GLI4: variants seen among roughly 807,000 people sequenced by gnomAD.
GLI4 encodes GLI family zinc finger 4, also known as zinc finger protein GLI4.
Under a neutral mutation model 30.9 loss-of-function variants are expected in GLI4, and 34 were observed. That is an observed-to-expected ratio of 1.10 (90% CI 0.84 to 1.47). The LOEUF (loss-of-function observed/expected upper bound fraction) is 1.47, where lower values mean the gene tolerates loss of function less well. Ranked by LOEUF, GLI4 falls within the 40% of genes most tolerant of loss-of-function variation. The pLI is 0.00. For synonymous variants in GLI4, 277 were observed against 236.7 expected (o/e 1.17, Z -1.56); for missense variants, 696 against 538.9 (o/e 1.29, Z -2.89).
At chr8:143,267,826 C>T (rs1300548419) in intron 1 of GLI4, 1 of 985,384 alleles carries the variant, frequency 1.0e-6, no homozygotes, top group East Asian at 1.1e-4. Context: ...AGCGAGGAGC[C>T]GCCGGACCCC....
chr8:143,276,223 A>T lies in GLI4; in HGVS notation c.550A>T (p.Arg184Trp). Residue 184 changes from arginine (R) to tryptophan (W), a missense_variant, in exon 4 of 4, where the codon AGG becomes TGG. Coordinates refer to ENST00000340042, the MANE Select transcript of GLI4 (RefSeq NM_138465.4). Reference sequence around the variant, plus strand: ...CAGCGCGCGGGGGGCCAAGCCGCACAGGTGCGAGGCCTGCGGCAAGAGTTT... The same window carrying T: ...CAGCGCGCGGGGGGCCAAGCCGCACTGGTGCGAGGCCTGCGGCAAGAGTTT... ...QGSARGAKPH[R>W]CEACGKSFKY... The T allele has an allele frequency of 6.3e-7, 1 of 1,593,814 alleles. No individual in the cohort carries two copies. The highest frequency in any genetic ancestry group is 8.5e-7 in the Non-Finnish European group (1 of 1,170,998).
intron 2 of GLI4, among the ~76,000 whole-genome samples, chr8:143,272,148 G>C (rs1400152439): frequency 6.6e-6 from 1 of 152,186 alleles, no homozygotes; most frequent in African/African-American, 2.4e-5. Context: ...GACCCTTGGG[G>C]GCTTGCAGCC....
At chr8:143,267,922 A>G (rs1815174305) in intron 1 of GLI4, 12 of 985,402 alleles carry the variant, frequency 1.2e-5, no homozygotes, top group South Asian at 9.4e-5. Context: ...AGAGGGGCAG[A>G]GGATGCTTCC....
chr8:143,274,913 G>GC, intron 3 of GLI4, 111 bp downstream of exon 3: 1 of 1,480,304 alleles, frequency 6.8e-7, no homozygotes. Context: ...CCTTCCTGGG[G>GC]CCCCTTTTCT....
rs1204073990 is a variant in GLI4, at chr8:143,276,038, G to T, written c.365G>T (p.Ser122Ile). 3 of 1,382,270 alleles carry T rather than the reference G, an allele frequency of 2.2e-6. No individual in the cohort carries two copies. Among genetic ancestry groups the T allele is most frequent in the Admixed American group, 3.3e-5 (1 of 30,174 alleles). 85.6% of individuals were successfully genotyped at this position (1,382,270 alleles called of 1,614,324 possible). The change falls in exon 4 of 4, where the codon AGC becomes ATC. Residue 122 changes from serine to isoleucine, a missense_variant. Physicochemically the swap from Ser to Ile is moderately radical, Grantham distance 142. Coordinates refer to ENST00000340042, the MANE Select transcript of GLI4 (RefSeq NM_138465.4). Reference sequence around the variant, plus strand: ...AGCGCCGGCTTCGGGCCTGAATCCAGCGCGGAGCGGCCGGCGGGCCAGCCG... The same window carrying T: ...AGCGCCGGCTTCGGGCCTGAATCCATCGCGGAGCGGCCGGCGGGCCAGCCG... ...RCSAGFGPES[S>I]AERPAGQPPG...
intron 3 of GLI4, chr8:143,275,370 C>G (rs1815361003): frequency 1.4e-6 from 2 of 1,403,894 alleles, no homozygotes; most frequent in Admixed American, 3.0e-5. Context: ...AGGTCAGGTC[C>G]CTGGAAAGAG....
intron 1 of GLI4, chr8:143,267,970 C>T (rs571836823): frequency 1.5e-5 from 15 of 985,430 alleles, no homozygotes; most frequent in African/African-American, 3.5e-5. Flanking sequence ...CCCCTTCAGT[C>T]TGGAGCTCAG....
At chr8:143,273,839 G>C (rs558283070) in intron 2 of GLI4, among the ~76,000 whole-genome samples, 102 of 151,868 alleles carry the variant, frequency 6.7e-4, no homozygotes, top group African/African-American at 2.4e-3. Context: ...GCAGAGGGCA[G>C]GTGAGGCACC....
At position 143,276,004 on chromosome 8, in the gene GLI4, G is replaced by A. The variant is rs1022988666; in HGVS notation, c.331G>A (p.Ala111Thr). 1 of 1,411,430 alleles carries A rather than the reference G, an allele frequency of 7.1e-7. No homozygotes were observed. Among genetic ancestry groups the A allele is most frequent in the African/African-American group, 1.5e-5 (1 of 66,882 alleles). The allele number at this position is 1,411,430 out of a possible 1,614,324, so 87.4% of individuals were successfully genotyped here. ...RSLLRSLPRRARCSAGFGPES... is the reference protein window; with the variant it reads ...RSLLRSLPRRTRCSAGFGPES... Reference sequence around the variant, plus strand: ...CCTCCTGAGGAGCCTTCCCCGCAGGGCCCGGTGCAGCGCCGGCTTCGGGCC... The same window carrying A: ...CCTCCTGAGGAGCCTTCCCCGCAGGACCCGGTGCAGCGCCGGCTTCGGGCC... Residue 111 changes from alanine to threonine, a missense_variant, in exon 4 of 4, where the codon GCC becomes ACC. Coordinates refer to ENST00000340042, the MANE Select transcript of GLI4 (RefSeq NM_138465.4).
chr8:143,271,604 G>A (rs1370020386), intron 2 of GLI4, among the ~76,000 whole-genome samples: 1 of 152,228 alleles, frequency 6.6e-6, no homozygotes, highest in Non-Finnish European at 1.5e-5. Context: ...CTCCCAGAAA[G>A]AAGTTTGCAG....
At chr8:143,273,548 G>T (rs1815315386) in intron 2 of GLI4, among the ~76,000 whole-genome samples, 1 of 152,008 alleles carries the variant, frequency 6.6e-6, no homozygotes, top group African/African-American at 2.4e-5. Context: ...CCCCCTCCAT[G>T]GTGGGCCAAG....
At chr8:143,268,874 T>TG (rs1815203535) in intron 1 of GLI4, among the ~76,000 whole-genome samples, 1 of 33,380 alleles carries the variant, frequency 3.0e-5, no homozygotes, top group Admixed American at 3.9e-4. Context: ...GTTTGAGTCT[T>TG]GCTGTGTCTC....
rs1427285760 is a variant in GLI4, at chr8:143,276,307, G to A, written c.634G>A (p.Ala212Thr). 1.9e-6 allele frequency: 3 copies of A among 1,611,386 alleles called. No individual in the cohort carries two copies. Among genetic ancestry groups the A allele is most frequent in the African/African-American group, 1.3e-5 (1 of 74,978 alleles). Residue 212 changes from alanine to threonine, a missense_variant, in exon 4 of 4, where the codon GCC becomes ACC. Coordinates refer to ENST00000340042, the MANE Select transcript of GLI4 (RefSeq NM_138465.4). Reference sequence around the variant, plus strand: ...CATCCACACGGGCGAGAAGCCCTACGCCTGCCACGAGTGCGGCAAGCGCTT... The same window carrying A: ...CATCCACACGGGCGAGAAGCCCTACACCTGCCACGAGTGCGGCAAGCGCTT... ...QRIHTGEKPY[A>T]CHECGKRFRG...
In GLI4 at chr8:143,276,475, A is replaced by AAGTGCGGCG. The variant is rs781268067; in HGVS notation, c.811_819dup (p.Glu271_Gly273dup). Reference sequence around the variant, plus strand: ...CATCCACAACGGCGAGAAGCCCTACAAGTGCGGCGAGTGCGGCCAGGCCTT... The same window carrying AAGTGCGGCG: ...CATCCACAACGGCGAGAAGCCCTACAAGTGCGGCGAGTGCGGCGAGTGCGGCCAGGCCTT... On this transcript the variant is annotated inframe_insertion, in exon 4 of 4. Transcript: ENST00000340042. 19 of 1,611,174 alleles carry AAGTGCGGCG rather than the reference A, an allele frequency of 1.2e-5. 1 individual carries two copies. In the South Asian group the frequency reaches 1.6e-4, roughly 14 times the overall value.
At position 143,276,167 on chromosome 8, in the gene GLI4, T is replaced by C. The variant is rs540212206; in HGVS notation, c.494T>C (p.Leu165Pro). 6.4e-7 allele frequency: 1 copy of C among 1,552,830 alleles called. No individual in the cohort carries two copies. The highest frequency in any genetic ancestry group is 8.7e-7 in the Non-Finnish European group (1 of 1,148,980). ...GGTGCGCCCGAGCGGGCTGCCGAGC[T>C]GGGAGTCAACTTCGGTCGGAGCCGG... The part of the protein sequence containing the change: ...PEGAPERAAE[L>P]GVNFGRSRQG... The change falls in exon 4 of 4, where the codon CTG becomes CCG. Residue 165 changes from leucine to proline, a missense_variant. Coordinates refer to ENST00000340042, the MANE Select transcript of GLI4 (RefSeq NM_138465.4).
intron 3 of GLI4, chr8:143,275,219 A>G: frequency 6.5e-7 from 1 of 1,534,548 alleles, no homozygotes; most frequent in Non-Finnish European, 8.7e-7. Context: ...GCCTGGTTGG[A>G]GCTGTGTCCA....
At chr8:143,270,675 A>G (rs1282000638) in intron 2 of GLI4, among the ~76,000 whole-genome samples, 1 of 152,150 alleles carries the variant, frequency 6.6e-6, no homozygotes, top group African/African-American at 2.4e-5. Flanking sequence ...CATCTGTACA[A>G]TGGCTGAGAG....
intron 2 of GLI4, among the ~76,000 whole-genome samples, chr8:143,271,471 T>G (rs1815266854): frequency 6.6e-6 from 1 of 152,192 alleles, no homozygotes. Flanking sequence ...CTTCCTCTGC[T>G]CCTTGGGAAT....
rs1314090540 is a variant in GLI4, at chr8:143,276,080, G to T, written c.407G>T (p.Cys136Phe). The T allele has an allele frequency of 1.5e-5, 21 of 1,404,342 alleles. No individual in the cohort carries two copies. Among genetic ancestry groups the T allele is most frequent in the Non-Finnish European group, 1.9e-5 (21 of 1,090,674 alleles). 87.0% of individuals were successfully genotyped at this position (1,404,342 alleles called of 1,614,324 possible). Residue 136 changes from cysteine (C) to phenylalanine (F), a missense_variant, in exon 4 of 4, where the codon TGC becomes TTC. Physicochemically the swap from Cys to Phe is radical, Grantham distance 205. Coordinates refer to ENST00000340042, the MANE Select transcript of GLI4 (RefSeq NM_138465.4). ...PAGQPPGAVPCAQPRGAWRVT... is the reference protein window; with the variant it reads ...PAGQPPGAVPFAQPRGAWRVT... Reference sequence around the variant, plus strand: ...GGCCAGCCGCCTGGGGCCGTCCCTTGCGCCCAGCCGCGGGGCGCCTGGCGC... The same window carrying T: ...GGCCAGCCGCCTGGGGCCGTCCCTTTCGCCCAGCCGCGGGGCGCCTGGCGC...
Sources: allele counts gnomAD v4.1 joint callset (sites outside exome capture counted in the v4.1 genomes callset), GRCh38; gene constraint gnomAD v4.1.1; transcripts MANE v1.5; gene names NCBI Gene and HGNC (gene_info 2026-07-23, HGNC 2026-07-21).